FSTL1: variants seen among roughly 807,000 people sequenced by gnomAD.
FSTL1 encodes the protein follistatin like 1.
FSTL1 carries 24 observed loss-of-function variants against 45.9 expected under a neutral mutation model. The ratio of observed to expected loss-of-function variants is 0.52; its 90% CI spans 0.38 to 0.74. The LOEUF (loss-of-function observed/expected upper bound fraction) is 0.74. Among genes scored for constraint, FSTL1 ranks in the 30% least tolerant of loss-of-function variants. FSTL1 has a pLI of 0.00. For synonymous variants in FSTL1, 120 were observed against 137.6 expected, an observed-to-expected ratio of 0.87 and a Z score of 0.89; for missense variants, 340 against 381.8, an observed-to-expected ratio of 0.89 and a Z score of 0.91.
chr3:120,450,690 G>A lies in FSTL1; in HGVS notation c.57C>T (p.Arg19=). The A allele has an allele frequency of 6.4e-7, 1 of 1,567,422 alleles. No homozygotes were observed. Among genetic ancestry groups the A allele is most frequent in the Non-Finnish European group, 8.6e-7 (1 of 1,164,336 alleles). The change falls in exon 2 of 11, where the codon CGC becomes CGT. Residue 19 remains arginine, a synonymous_variant. Transcript: ENST00000295633. ...ALALVAVAWV[R]AEEELRSKSK... is the part of the protein sequence containing the mutation. ...TCCTCGGCCCCTCGCCTACCTCGGCGCGGACCCAGGCGACCGCCACCAGCG... is the reference window on the plus strand; with the variant it reads ...TCCTCGGCCCCTCGCCTACCTCGGCACGGACCCAGGCGACCGCCACCAGCG...
intron 2 of FSTL1, among the ~76,000 whole-genome samples, chr3:120,445,732 T>G (rs1211845801): frequency 6.7e-6 from 1 of 149,672 alleles, no homozygotes; most frequent in East Asian, 1.9e-4. Flanking sequence ...GTAGTTATAA[T>G]AATATAAACT....
chr3:120,446,249 C>G (rs1238323618), intron 2 of FSTL1, among the ~76,000 whole-genome samples: 1 of 152,222 alleles, frequency 6.6e-6, no homozygotes, highest in East Asian at 1.9e-4. Context: ...CCACTGACTT[C>G]AAAGACTTTC....
rs1404543191 is a variant in FSTL1, at chr3:120,394,673, C to T, written c.*2279G>A. ...TATGCTTTTAGAGGGCTGAAGGAACCAAACCTAGTTTAATCCTGTTTGTTT... is the reference window on the plus strand; with the variant it reads ...TATGCTTTTAGAGGGCTGAAGGAACTAAACCTAGTTTAATCCTGTTTGTTT... On this transcript the variant is annotated 3_prime_UTR_variant, in exon 11 of 11. Transcript: ENST00000295633. The T allele has an allele frequency of 6.6e-6, 1 of 152,200 alleles. No homozygotes were observed. The highest frequency in any genetic ancestry group is 1.5e-5 in the Non-Finnish European group (1 of 68,054). The allele number at this position is 152,200 out of a possible 1,614,324, so 9.4% of individuals were successfully genotyped here.
At chr3:120,423,604 A>T (rs1184830359) in intron 2 of FSTL1, 1 of 152,134 alleles carries the variant, frequency 6.6e-6, no homozygotes, top group Non-Finnish European at 1.5e-5. Context: ...CAACTCCGGT[A>T]CTTGAGAGAG....
intron 2 of FSTL1, among the ~76,000 whole-genome samples, chr3:120,447,449 C>G (rs1332540369): frequency 6.6e-6 from 1 of 152,110 alleles, no homozygotes; most frequent in African/African-American, 2.4e-5. Context: ...AAGCAGACTA[C>G]AGAGTGCATG....
intron 2 of FSTL1, among the ~76,000 whole-genome samples, chr3:120,439,098 C>T (rs938236504): frequency 1.8e-4 from 27 of 152,294 alleles, no homozygotes; most frequent in South Asian, 1.2e-3. Context: ...TAGACTTTAA[C>T]TGGCCTCTCC....
Position 120,399,977 on chromosome 3 carries a change from G to A in FSTL1, c.806-18C>T. ...ATTCTTTCCTGCAAGAAGAACCAAA[G>A]CTCAGAGCAGTAGCAGCTGTGGTAA... is the stretch of plus-strand genomic sequence containing the variant. On this transcript the variant is annotated intron_variant, in intron 9 of 10. Transcript: ENST00000295633. 6.4e-7 allele frequency: 1 copy of A among 1,565,362 alleles called. No homozygotes were observed. The highest frequency in any genetic ancestry group is 2.2e-5 in the East Asian group (1 of 44,454).
At chr3:120,448,968 C>T (rs1451986505) in intron 2 of FSTL1, among the ~76,000 whole-genome samples, 1 of 152,182 alleles carries the variant, frequency 6.6e-6, no homozygotes, top group Non-Finnish European at 1.5e-5. Flanking sequence ...GCTGGAAAAC[C>T]AACCAGGGAT....
Position 120,399,938 on chromosome 3 carries a change from T to C in FSTL1, c.827A>G (p.Gln276Arg), listed in dbSNP as rs1936786830. Residue 276 changes from glutamine (Q) to arginine (R), a missense_variant, in exon 10 of 11, where the codon CAG becomes CGG. Transcript: ENST00000295633. ...TCDGKNQKGA[Q>R]TQTEEEMTRY... Reference sequence around the variant, plus strand: ...GGTCATCTCCTCCTCTGTCTGGGTCTGGGCCCCCTTCTGATTCTTTCCTGC... The same window carrying C: ...GGTCATCTCCTCCTCTGTCTGGGTCCGGGCCCCCTTCTGATTCTTTCCTGC... The C allele has an allele frequency of 1.2e-6, 2 of 1,608,902 alleles. No individual in the cohort carries two copies.
chr3:120,402,734 C>G (rs575385115), intron 9 of FSTL1, 74 bp downstream of exon 9: 1 of 958,334 alleles, frequency 1.0e-6, no homozygotes, highest in African/African-American at 1.6e-5. Flanking sequence ...TCATCCCCAC[C>G]CCAACTTCTC....
In FSTL1 at chr3:120,409,676, G is replaced by C. The variant is rs374398872; in HGVS notation, c.332-14C>G. The C allele has an allele frequency of 1.6e-5, 26 of 1,613,358 alleles. No individual in the cohort carries two copies. The highest frequency in any genetic ancestry group is 2.7e-5 in the African/African-American group (2 of 74,916). On this transcript the variant is annotated splice_polypyrimidine_tract_variant and intron_variant, in intron 5 of 10. Transcript: ENST00000295633. ...GATAGCAAACAACTGCAGGAAAGTGGAGGATGTCAGCTGGAGCAGTCAGGG... is the reference window on the plus strand; with the variant it reads ...GATAGCAAACAACTGCAGGAAAGTGCAGGATGTCAGCTGGAGCAGTCAGGG...
chr3:120,429,182 A>G (rs866728853), intron 2 of FSTL1, among the ~76,000 whole-genome samples: 1 of 152,146 alleles, frequency 6.6e-6, no homozygotes, highest in Admixed American at 6.5e-5. Flanking sequence ...CCCTGGAGCA[A>G]TTTCAAATGC....
At chr3:120,420,435 G>C (rs1245472233) in intron 2 of FSTL1, among the ~76,000 whole-genome samples, 1 of 152,184 alleles carries the variant, frequency 6.6e-6, no homozygotes, top group Non-Finnish European at 1.5e-5. Flanking sequence ...ATATCTGCCT[G>C]CAATGGAGAA....
intron 2 of FSTL1, among the ~76,000 whole-genome samples, chr3:120,416,643 T>C (rs1164092856): frequency 6.6e-6 from 1 of 152,168 alleles, no homozygotes; most frequent in Admixed American, 6.5e-5. Context: ...TTCTAGGCAT[T>C]ATCATCTCAA....
chr3:120,421,725 A>G (rs1405301506), intron 2 of FSTL1, among the ~76,000 whole-genome samples: 1 of 152,048 alleles, frequency 6.6e-6, no homozygotes, highest in East Asian at 1.9e-4. Context: ...AGTGGTTCTG[A>G]TGTGTGTGGC....
intron 10 of FSTL1, among the ~76,000 whole-genome samples, chr3:120,397,888 C>T (rs993423212): frequency 3.3e-5 from 5 of 152,144 alleles, no homozygotes; most frequent in Non-Finnish European, 5.9e-5. Flanking sequence ...GATAACACAA[C>T]ATGTGGTATA....
chr3:120,419,900 T>A (rs12489593), intron 2 of FSTL1, among the ~76,000 whole-genome samples: 5,973 of 152,274 alleles, frequency 0.039, 339 homozygotes, highest in Admixed American at 0.16. Context: ...TGCAGATATC[T>A]CTGTCCTCAC....
chr3:120,444,099 G>A (rs1418734381), intron 2 of FSTL1, among the ~76,000 whole-genome samples: 3 of 149,864 alleles, frequency 2.0e-5, no homozygotes, highest in Non-Finnish European at 4.4e-5. Context: ...TTCATCCAAA[G>A]AGCTTAGAAA....
intron 10 of FSTL1, 96 bp downstream of exon 10, chr3:120,399,787 G>T: frequency 1.3e-6 from 1 of 758,500 alleles, no homozygotes. Context: ...AGCAGAGAGA[G>T]CCTCCTTGGT....
Sources: gnomAD v4.1 joint callset for allele counts (sites outside exome capture counted in the v4.1 genomes callset) on GRCh38, gnomAD v4.1.1 for gene constraint, MANE v1.5 for transcripts, NCBI Gene and HGNC (gene_info 2026-07-23, HGNC 2026-07-21) for gene names.